TCF12: variants seen among roughly 807,000 people sequenced by gnomAD.
TCF12 encodes the protein transcription factor 12, also known as DNA-binding protein HTF4.
In TCF12, 45 loss-of-function variants were observed where a neutral mutation model predicts 86.0. That is an observed-to-expected ratio of 0.52 (90% CI 0.41 to 0.67). TCF12 has a LOEUF of 0.67. TCF12 is among the 30% of genes least tolerant of loss of function. The probability of loss-of-function intolerance (pLI) is 0.00; values close to 1 mark genes in which losing one functional copy is unlikely to be tolerated. For missense variants in TCF12, 881 were observed against 859.9 expected (o/e 1.02, Z -0.31); for synonymous variants, 330 against 299.6 (o/e 1.10, Z -1.05).
chr15:57,170,788 TATAA>T (rs1567560090), intron 6 of TCF12, among the ~76,000 whole-genome samples: 4 of 42,946 alleles, frequency 9.3e-5, no homozygotes, highest in South Asian at 6.2e-4. Flanking sequence ...AATATATATA[TATAA>T]TATATATATA....
At chr15:57,061,727 C>T (rs1008666096) in intron 3 of TCF12, among the ~76,000 whole-genome samples, 4 of 152,122 alleles carry the variant, frequency 2.6e-5, no homozygotes, top group African/African-American at 9.7e-5. Flanking sequence ...CAAGATTCAT[C>T]GAAATCACTT....
In TCF12 at chr15:57,075,798, CTTTCTT is replaced by C. The variant is rs1283311473; in HGVS notation, c.222+11977_222+11982del. Among the ~76,000 whole-genome samples the C allele has an allele frequency of 5.5e-3, 379 of 69,264 alleles. 1 individual carries two copies. The highest frequency in any genetic ancestry group is 0.019 in the Admixed American group (104 of 5,504). 45.4% of individuals were successfully genotyped at this position (69,264 alleles called of 152,430 possible). The stretch of plus-strand genomic sequence containing the variant: ...TCTTTCTTTCTTTCTTTCTTTCTTT[CTTTCTT>C]TCTCTCTCTCTCTCTCTCTCTCTCT... On this transcript the variant is annotated intron_variant, in intron 4 of 20. Coordinates refer to ENST00000333725, the MANE Select transcript of TCF12 (RefSeq NM_207037.2).
chr15:57,021,373 T>C lies in TCF12; in HGVS notation c.149-42377T>C, dbSNP rs563656872. ...AGTGATGGGACAGAAAACATTGGCA[T>C]CGGGCGCGGTGGCTCACGCCTGTAA... On this transcript the variant is annotated intron_variant, in intron 3 of 20. Coordinates refer to ENST00000333725, the MANE Select transcript of TCF12 (RefSeq NM_207037.2). Among the ~76,000 whole-genome samples the C allele has an allele frequency of 3.3e-5, 5 of 152,284 alleles. No individual in the cohort carries two copies. The East Asian group carries it at 9.7e-4, about 29-fold the overall frequency.
intron 8 of TCF12, among the ~76,000 whole-genome samples, chr15:57,230,448 A>T (rs566224888): frequency 6.6e-6 from 1 of 152,114 alleles, no homozygotes; most frequent in South Asian, 2.1e-4. Flanking sequence ...AGTTTTCCAG[A>T]GGAATGCAAA....
chr15:57,101,026 A>G (rs2049705517), intron 5 of TCF12, among the ~76,000 whole-genome samples: 1 of 152,048 alleles, frequency 6.6e-6, no homozygotes, highest in Non-Finnish European at 1.5e-5. Context: ...TTTGAGTGTC[A>G]ATTCACCATT....
At chr15:56,967,743 A>G (rs561006621) in intron 3 of TCF12, among the ~76,000 whole-genome samples, 1 of 152,320 alleles carries the variant, frequency 6.6e-6, no homozygotes, top group East Asian at 1.9e-4. Context: ...CAACTGCACT[A>G]GGATACAAAT....
At chr15:57,166,830 C>T (rs901213152) in intron 6 of TCF12, among the ~76,000 whole-genome samples, 2 of 152,174 alleles carry the variant, frequency 1.3e-5, no homozygotes, top group African/African-American at 4.8e-5. Context: ...TAATGTCAAA[C>T]TGATCATTAA....
At chr15:57,148,029 T>C (rs1305542096) in intron 5 of TCF12, among the ~76,000 whole-genome samples, 1 of 151,710 alleles carries the variant, frequency 6.6e-6, no homozygotes, top group African/African-American at 2.4e-5. Context: ...CAGGTGCACG[T>C]CACCATGCCC....
rs192241356 is a variant in TCF12 at position 57,123,809 on chromosome 15, A to G, written c.325+31918A>G. 2.7e-4 allele frequency among the ~76,000 whole-genome samples: 41 copies of G among 151,834 alleles called. 1 individual carries two copies. Among genetic ancestry groups the G allele is most frequent in the African/African-American group, 8.9e-4 (37 of 41,440 alleles). ...TACTAGAAAAGTACAAAAAACAAAA[A>G]AATAGCCGGGCCTGGTGGCAGGCGC... On this transcript the variant is annotated intron_variant, in intron 5 of 20. Coordinates refer to ENST00000333725, the MANE Select transcript of TCF12 (RefSeq NM_207037.2).
At chr15:56,918,383 CCCGG>C, upstream of TCF12, 1 of 376,522 alleles carries the variant, frequency 2.7e-6, no homozygotes, top group East Asian at 8.2e-5. Context: ...TCCCAGGAGG[CCCGG>C]ACGAGGCTTC....
chr15:57,117,116 TTC>T, intron 5 of TCF12, among the ~76,000 whole-genome samples: 3 of 152,262 alleles, frequency 2.0e-5, no homozygotes, highest in South Asian at 4.1e-4. Flanking sequence ...TTTTTTTTCT[TTC>T]TTTTTCATTT....
At chr15:56,931,449 A>C (rs1305583089) in intron 3 of TCF12, among the ~76,000 whole-genome samples, 1 of 152,138 alleles carries the variant, frequency 6.6e-6, no homozygotes, top group African/African-American at 2.4e-5. Context: ...GCATTATATG[A>C]TCTCTACCAT....
chr15:56,998,992 A>G (rs997895919), intron 3 of TCF12, among the ~76,000 whole-genome samples: 24 of 152,030 alleles, frequency 1.6e-4, no homozygotes, highest in Non-Finnish European at 2.9e-4. Flanking sequence ...AGGTCAGGAG[A>G]TCGAGACCAT....
chr15:57,237,828 C>T (rs1009397257), intron 12 of TCF12, among the ~76,000 whole-genome samples: 3 of 152,008 alleles, frequency 2.0e-5, no homozygotes, highest in African/African-American at 4.8e-5. Flanking sequence ...GATTTGTTTG[C>T]GATTTGGTAA....
chr15:57,187,175 C>CAAA (rs55886942), intron 6 of TCF12, among the ~76,000 whole-genome samples: 1 of 141,236 alleles, frequency 7.1e-6, no homozygotes, highest in Non-Finnish European at 1.6e-5. Context: ...AGACTGTCTC[C>CAAA]AAAAAAAAAA....
At chr15:57,230,899 T>TA (rs2059106167) in intron 8 of TCF12, among the ~76,000 whole-genome samples, 1 of 151,720 alleles carries the variant, frequency 6.6e-6, no homozygotes, top group African/African-American at 2.4e-5. Flanking sequence ...GTAACTGTCA[T>TA]ACCAAGATGC....
intron 16 of TCF12, among the ~76,000 whole-genome samples, chr15:57,255,729 A>C (rs1186502747): frequency 6.6e-6 from 1 of 151,890 alleles, no homozygotes; most frequent in Non-Finnish European, 1.5e-5. Context: ...TGATCCGCCC[A>C]CCTCGGCCTC....
At chr15:57,022,726 T>C (rs925926363) in intron 3 of TCF12, among the ~76,000 whole-genome samples, 9 of 152,160 alleles carry the variant, frequency 5.9e-5, no homozygotes, top group Non-Finnish European at 1.3e-4. Context: ...CTCTCCAGCA[T>C]CTGTTGTTTC....
chr15:57,225,984 T>G (rs1299797294), intron 8 of TCF12, among the ~76,000 whole-genome samples: 1 of 151,524 alleles, frequency 6.6e-6, no homozygotes, highest in Non-Finnish European at 1.5e-5. Flanking sequence ...TAACATTAGG[T>G]ATATCTCCTA....
Sources: allele counts gnomAD v4.1 joint callset (sites outside exome capture counted in the v4.1 genomes callset), GRCh38; gene constraint gnomAD v4.1.1; transcripts MANE v1.5; gene names NCBI Gene and HGNC (gene_info 2026-07-23, HGNC 2026-07-21).